NAALADL2: variants seen among roughly 807,000 people sequenced by gnomAD.
NAALADL2 encodes the protein inactive N-acetylated-alpha-linked acidic dipeptidase-like protein 2.
In NAALADL2, 76 loss-of-function variants were observed where a neutral mutation model predicts 87.2. The ratio of observed to expected loss-of-function variants is 0.87; its 90% confidence interval spans 0.72 to 1.05. The LOEUF is 1.05. NAALADL2 is among the 50% of genes least tolerant of loss of function. NAALADL2 has a pLI of 0.00. For synonymous variants in NAALADL2, 354 were observed against 331.0 expected (o/e 1.07, Z -0.75); for missense variants, 1,089 against 945.8 (o/e 1.15, Z -1.99).
chr3:174,840,778 C>T (rs1197663921), intron 3 of NAALADL2, among the ~76,000 whole-genome samples: 1 of 152,038 alleles, frequency 6.6e-6, no homozygotes, highest in Non-Finnish European at 1.5e-5. Context: ...TAAATCTGGC[C>T]ACCGTAGGAA....
chr3:175,009,855 C>A (rs74891546), intron 1 of NAALADL2, among the ~76,000 whole-genome samples: 145 of 151,786 alleles, frequency 9.6e-4, no homozygotes, highest in African/African-American at 3.4e-3. Context: ...ACATTTATGC[C>A]GAGTTTACTT....
chr3:175,181,783 A>ATATGTG (rs1736590717), intron 2 of NAALADL2, among the ~76,000 whole-genome samples: 2 of 144,318 alleles, frequency 1.4e-5, no homozygotes, highest in Non-Finnish European at 3.0e-5. Context: ...ATATATGTAT[A>ATATGTG]TATATGTGTG....
intron 6 of NAALADL2, chr3:175,460,293 G>T: frequency 2.3e-6 from 1 of 431,778 alleles, no homozygotes; most frequent in South Asian, 1.7e-5. Context: ...TTTATTTTCA[G>T]ATGTGAGTAT....
At chr3:174,760,091 G>C (rs948690161) in intron 3 of NAALADL2, among the ~76,000 whole-genome samples, 1 of 152,160 alleles carries the variant, frequency 6.6e-6, no homozygotes, top group African/African-American at 2.4e-5. Flanking sequence ...AAAGTAGATA[G>C]AGCAGGCAGT....
chr3:174,690,756 G>A (rs1211539731), intron 2 of NAALADL2, among the ~76,000 whole-genome samples: 6 of 152,050 alleles, frequency 3.9e-5, no homozygotes, highest in African/African-American at 1.5e-4. Context: ...TTTTGGATAT[G>A]GAATAGATTT....
intron 1 of NAALADL2, among the ~76,000 whole-genome samples, chr3:174,885,127 G>C (rs1375608083): frequency 6.6e-6 from 1 of 152,040 alleles, no homozygotes. Context: ...TTGTCATTAG[G>C]GTCCTCACAC....
intron 1 of NAALADL2, among the ~76,000 whole-genome samples, chr3:174,865,831 AG>A (rs1349847440): frequency 6.6e-6 from 1 of 151,996 alleles, no homozygotes; most frequent in African/African-American, 2.4e-5. Flanking sequence ...AGAACAGCTG[AG>A]AGAAAGCATG....
At chr3:174,560,442 GT>G (rs1322685457) in intron 2 of NAALADL2, among the ~76,000 whole-genome samples, 5 of 152,080 alleles carry the variant, frequency 3.3e-5, no homozygotes, top group Admixed American at 1.3e-4. Flanking sequence ...GAATGTAGTT[GT>G]TTTAGTCACT....
intron 11 of NAALADL2, among the ~76,000 whole-genome samples, chr3:175,660,384 A>G (rs142232725): frequency 6.6e-5 from 10 of 152,176 alleles, no homozygotes; most frequent in African/African-American, 2.4e-4. Context: ...TTTCGTTGAT[A>G]TGTCACAATA....
chr3:174,798,478 G>T (rs1718409408), intron 3 of NAALADL2, among the ~76,000 whole-genome samples: 1 of 152,098 alleles, frequency 6.6e-6, no homozygotes. Context: ...GGGCAGCTTG[G>T]ATAGTGATAG....
chr3:175,689,850 C>T (rs1007744414), intron 11 of NAALADL2, among the ~76,000 whole-genome samples: 5 of 152,166 alleles, frequency 3.3e-5, no homozygotes, highest in African/African-American at 7.2e-5. Flanking sequence ...TAGCTACGTT[C>T]CAAGAGTATT....
intron 1 of NAALADL2, among the ~76,000 whole-genome samples, chr3:174,461,504 AT>A (rs531858371): frequency 6.6e-6 from 1 of 151,844 alleles, no homozygotes; most frequent in Admixed American, 6.6e-5. Context: ...TTGGTTTAAG[AT>A]TTTTTTTACT....
intron 5 of NAALADL2, among the ~76,000 whole-genome samples, chr3:175,428,362 C>T (rs1397841743): frequency 6.6e-6 from 1 of 152,084 alleles, no homozygotes; most frequent in African/African-American, 2.4e-5. Context: ...ATATATTTCT[C>T]AAAGATTTCA....
intron 10 of NAALADL2, among the ~76,000 whole-genome samples, chr3:175,603,154 G>A (rs1413945362): frequency 6.6e-6 from 1 of 151,930 alleles, no homozygotes; most frequent in Non-Finnish European, 1.5e-5. Context: ...TTTTCACTTG[G>A]CCTAATAATG....
intron 2 of NAALADL2, among the ~76,000 whole-genome samples, chr3:174,575,740 T>C (rs549744076): frequency 6.6e-4 from 100 of 152,230 alleles, no homozygotes; most frequent in African/African-American, 2.2e-3. Flanking sequence ...TAAGAAAAAA[T>C]GTAGGTATGC....
intron 3 of NAALADL2, among the ~76,000 whole-genome samples, chr3:175,246,477 G>A (rs1441436161): frequency 6.6e-6 from 1 of 152,242 alleles, no homozygotes; most frequent in African/African-American, 2.4e-5. Context: ...AAAATGTCAA[G>A]TCTAAAAGAC....
intron 11 of NAALADL2, among the ~76,000 whole-genome samples, chr3:175,669,902 T>C (rs1733705742): frequency 1.3e-5 from 2 of 152,012 alleles, no homozygotes; most frequent in African/African-American, 4.8e-5. Context: ...TATCCAATGA[T>C]AGACACTTCA....
intron 9 of NAALADL2, among the ~76,000 whole-genome samples, chr3:175,541,647 G>T (rs1712348524): frequency 6.6e-6 from 1 of 151,292 alleles, no homozygotes; most frequent in Admixed American, 6.6e-5. Flanking sequence ...TGGAGGCCAA[G>T]ATACACTTGT....
At chr3:174,841,529 C>T (rs1411848663) in intron 3 of NAALADL2, among the ~76,000 whole-genome samples, 1 of 152,094 alleles carries the variant, frequency 6.6e-6, no homozygotes, top group Non-Finnish European at 1.5e-5. Context: ...GAAGCTAAAA[C>T]TTGGAAAAGA....
Sources: gnomAD v4.1 joint callset for allele counts (sites outside exome capture counted in the v4.1 genomes callset) on GRCh38, gnomAD v4.1.1 for gene constraint, MANE v1.5 for transcripts, NCBI Gene and HGNC (gene_info 2026-07-23, HGNC 2026-07-21) for gene names.